Variants in PAPPA2 observed in about 807,000 individuals in gnomAD.
PAPPA2 encodes the protein pappalysin 2, also known as pappalysin-2.
PAPPA2 carries 86 observed loss-of-function variants against 176.4 expected under a neutral mutation model. The observed-to-expected ratio is 0.49, with a 90% CI of 0.41 to 0.58. PAPPA2 has a LOEUF of 0.58. Ranked by LOEUF, PAPPA2 falls within the 20% of genes least tolerant of loss-of-function variation. The probability of loss-of-function intolerance (pLI) is 0.00; values close to 1 mark genes in which losing one functional copy is unlikely to be tolerated. For synonymous variants in PAPPA2, 809 were observed against 852.2 expected, an observed-to-expected ratio of 0.95 and a Z score of 0.88; for missense variants, 2,073 against 2,256.9, an observed-to-expected ratio of 0.92 and a Z score of 1.65.
intron 1 of PAPPA2, among the ~76,000 whole-genome samples, chr1:176,464,252 A>G (rs1201521393): frequency 1.3e-5 from 2 of 152,214 alleles, no homozygotes; most frequent in Non-Finnish European, 2.9e-5. Flanking sequence ...TTTAACCTCT[A>G]GGAGTACAGA....
At chr1:176,699,943 C>T (rs1660570682) in intron 8 of PAPPA2, among the ~76,000 whole-genome samples, 1 of 152,136 alleles carries the variant, frequency 6.6e-6, no homozygotes, top group Admixed American at 6.5e-5. Context: ...TGATCATCTG[C>T]CACAGACCCC....
chr1:176,609,961 G>A (rs1654819495), intron 3 of PAPPA2, among the ~76,000 whole-genome samples: 2 of 152,124 alleles, frequency 1.3e-5, no homozygotes, highest in African/African-American at 2.4e-5. Context: ...TGTGAAAAAG[G>A]TATTTATCTC....
chr1:176,520,493 A>G (rs1649156305), intron 1 of PAPPA2, among the ~76,000 whole-genome samples: 1 of 152,244 alleles, frequency 6.6e-6, no homozygotes, highest in South Asian at 2.1e-4. Flanking sequence ...GGCTATCACC[A>G]ACATTGAAGA....
chr1:176,753,433 C>T (rs1251495655), intron 14 of PAPPA2, among the ~76,000 whole-genome samples: 1 of 152,122 alleles, frequency 6.6e-6, no homozygotes, highest in African/African-American at 2.4e-5. Context: ...CAACTCTTTT[C>T]CCTCCTCTTC....
At chr1:176,471,443 A>G (rs1386042607) in intron 1 of PAPPA2, among the ~76,000 whole-genome samples, 1 of 152,190 alleles carries the variant, frequency 6.6e-6, no homozygotes, top group African/African-American at 2.4e-5. Flanking sequence ...ATAAAATAAA[A>G]CACAAATATA....
intron 3 of PAPPA2, among the ~76,000 whole-genome samples, chr1:176,656,098 C>G (rs1280069071): frequency 6.6e-6 from 1 of 151,722 alleles, no homozygotes; most frequent in Non-Finnish European, 1.5e-5. Context: ...AACTTTCTCT[C>G]TCTTTGCTGG....
chr1:176,513,834 G>A (rs1648753155), intron 1 of PAPPA2, among the ~76,000 whole-genome samples: 1 of 152,150 alleles, frequency 6.6e-6, no homozygotes, highest in Non-Finnish European at 1.5e-5. Flanking sequence ...GGAAGAAAAT[G>A]CATTTTAGGT....
intron 9 of PAPPA2, among the ~76,000 whole-genome samples, chr1:176,703,678 A>G (rs1310904472): frequency 6.6e-6 from 1 of 152,218 alleles, no homozygotes; most frequent in Middle Eastern, 3.2e-3. Context: ...CAGTCACTCA[A>G]CATTGTTTAT....
intron 6 of PAPPA2, among the ~76,000 whole-genome samples, chr1:176,695,069 G>A (rs1189892435): frequency 6.6e-6 from 1 of 152,214 alleles, no homozygotes; most frequent in Non-Finnish European, 1.5e-5. Context: ...CTGTTTGGCA[G>A]CAGAGAGAAC....
At chr1:176,760,764 A>G (rs1214735901) in intron 14 of PAPPA2, among the ~76,000 whole-genome samples, 3 of 152,192 alleles carry the variant, frequency 2.0e-5, no homozygotes, top group East Asian at 1.9e-4. Flanking sequence ...CCAAGGGTTA[A>G]CATACATTTT....
chr1:176,674,127 G>A (rs1573231873), intron 4 of PAPPA2, among the ~76,000 whole-genome samples: 1 of 152,078 alleles, frequency 6.6e-6, no homozygotes. Flanking sequence ...GTGATTTTAG[G>A]AGTCTCATAA....
At chr1:176,620,843 T>C (rs982139217) in intron 3 of PAPPA2, among the ~76,000 whole-genome samples, 4 of 152,218 alleles carry the variant, frequency 2.6e-5, no homozygotes, top group African/African-American at 9.7e-5. Context: ...AAAATTTATG[T>C]ATGTTGTCTC....
intron 1 of PAPPA2, among the ~76,000 whole-genome samples, chr1:176,507,135 A>G (rs1261131908): frequency 6.6e-6 from 1 of 152,166 alleles, no homozygotes; most frequent in Non-Finnish European, 1.5e-5. Flanking sequence ...AAAGACATGA[A>G]CAGACACTGC....
At chr1:176,718,906 A>G (rs932722150) in intron 12 of PAPPA2, among the ~76,000 whole-genome samples, 9 of 151,932 alleles carry the variant, frequency 5.9e-5, no homozygotes, top group African/African-American at 2.2e-4. Flanking sequence ...ATGTTTGTCC[A>G]TTGTGTTGTT....
chr1:176,787,382 G>T (rs1011228848), intron 17 of PAPPA2, among the ~76,000 whole-genome samples: 1 of 151,824 alleles, frequency 6.6e-6, no homozygotes, highest in African/African-American at 2.4e-5. Context: ...CTACAGGTGC[G>T]TGCCACTGTG....
intron 1 of PAPPA2, among the ~76,000 whole-genome samples, chr1:176,502,632 T>C (rs1238198919): frequency 6.6e-6 from 1 of 152,160 alleles, no homozygotes; most frequent in Non-Finnish European, 1.5e-5. Context: ...GGGCAAGATA[T>C]TAGGACAACA....
chr1:176,589,569 C>T (rs919611130), intron 2 of PAPPA2, among the ~76,000 whole-genome samples: 7 of 152,140 alleles, frequency 4.6e-5, no homozygotes, highest in African/African-American at 1.7e-4. Context: ...GTTTGGCTTC[C>T]ACACTACCAC....
At chr1:176,466,126 T>G (rs1004714838) in intron 1 of PAPPA2, among the ~76,000 whole-genome samples, 2 of 152,198 alleles carry the variant, frequency 1.3e-5, no homozygotes, top group African/African-American at 4.8e-5. Context: ...CCTTTAATAA[T>G]TCTTCAAACT....
chr1:176,510,200 T>C (rs748654600), intron 1 of PAPPA2, among the ~76,000 whole-genome samples: 10 of 152,030 alleles, frequency 6.6e-5, no homozygotes, highest in Non-Finnish European at 1.2e-4. Context: ...ATAACAAAAT[T>C]TGTAAAAACT....
Sources: allele counts gnomAD v4.1 joint callset (sites outside exome capture counted in the v4.1 genomes callset), GRCh38; gene constraint gnomAD v4.1.1; transcripts MANE v1.5; gene names NCBI Gene and HGNC (gene_info 2026-07-23, HGNC 2026-07-21).